The following FLVCR1 variants were observed in gnomAD, a reference collection of about 807,000 sequenced individuals.
FLVCR1 encodes the protein choline/ethanolamine transporter FLVCR1.
A neutral mutation model predicts 53.6 loss-of-function variants in FLVCR1; 34 were observed. The ratio of observed to expected loss-of-function variants is 0.63; its 90% CI spans 0.48 to 0.84. FLVCR1 has a LOEUF of 0.84. Among genes scored for constraint, FLVCR1 ranks in the 40% least tolerant of loss-of-function variants. The pLI is 0.00. For missense variants in FLVCR1, 677 were observed against 696.7 expected, an observed-to-expected ratio of 0.97 and a Z score of 0.32; for synonymous variants, 300 against 286.3, an observed-to-expected ratio of 1.05 and a Z score of -0.48.
At chr1:212,866,308 A>T (rs1254611780) in intron 2 of FLVCR1, among the ~76,000 whole-genome samples, 3 of 150,620 alleles carry the variant, frequency 2.0e-5, no homozygotes, top group Admixed American at 6.6e-5. Context: ...TTTAGTAGAG[A>T]TGGGGTTTCA....
At chr1:212,875,287 A>G (rs1388429179) in intron 3 of FLVCR1, among the ~76,000 whole-genome samples, 1 of 152,244 alleles carries the variant, frequency 6.6e-6, no homozygotes, top group Non-Finnish European at 1.5e-5. Context: ...AAGGATAACA[A>G]CACAAGATGA....
At chr1:212,859,683 A>C (rs1208590947) in intron 1 of FLVCR1, among the ~76,000 whole-genome samples, 1 of 152,030 alleles carries the variant, frequency 6.6e-6, no homozygotes, top group Non-Finnish European at 1.5e-5. Context: ...GCACCTTTGC[A>C]CTCCAGCTTG....
intron 2 of FLVCR1, among the ~76,000 whole-genome samples, chr1:212,870,798 A>G (rs1269592174): frequency 6.6e-6 from 1 of 151,824 alleles, no homozygotes; most frequent in Non-Finnish European, 1.5e-5. Flanking sequence ...AGATAGTCTC[A>G]CTCCGTTGCC....
chr1:212,889,633 G>A (rs2047289), intron 8 of FLVCR1, among the ~76,000 whole-genome samples: 1 of 151,806 alleles, frequency 6.6e-6, no homozygotes, highest in Non-Finnish European at 1.5e-5. Context: ...TGGCGCACAC[G>A]TGTAGCCCCA....
At chr1:212,890,368 G>A (rs182991910) in intron 8 of FLVCR1, among the ~76,000 whole-genome samples, 12 of 152,016 alleles carry the variant, frequency 7.9e-5, no homozygotes, top group South Asian at 2.1e-4. Flanking sequence ...TCCCAGGGGC[G>A]TCCAATCTTT....
chr1:212,888,116 T>C (rs1490535857), intron 6 of FLVCR1, 115 bp downstream of exon 6: 1 of 697,124 alleles, frequency 1.4e-6, no homozygotes, highest in East Asian at 2.7e-5. Context: ...TATTTTAAAC[T>C]TTAAAGGATT....
intron 1 of FLVCR1, 60 bp from the exon 2 acceptor site, chr1:212,863,665 G>A: frequency 1.4e-6 from 2 of 1,450,524 alleles, no homozygotes; most frequent in Admixed American, 1.7e-5. Context: ...TCTGTTAATT[G>A]CCAGCATTTA....
chr1:212,885,620 G>A (rs1436060168), intron 5 of FLVCR1: 22 of 408,536 alleles, frequency 5.4e-5, no homozygotes, highest in Non-Finnish European at 2.6e-5. Flanking sequence ...GCGCAATCTC[G>A]GCTCACTGCA....
At chr1:212,864,616 A>G (rs1664353574) in intron 2 of FLVCR1, 2 of 152,292 alleles carry the variant, frequency 1.3e-5, no homozygotes, top group Admixed American at 1.3e-4. Flanking sequence ...TAGCATAACT[A>G]TAATATTGCC....
intron 5 of FLVCR1, among the ~76,000 whole-genome samples, chr1:212,886,042 CTTTTT>C (rs5780703): frequency 8.3e-6 from 1 of 121,166 alleles, no homozygotes; most frequent in Middle Eastern, 4.1e-3. Flanking sequence ...TTATCTTGTT[CTTTTT>C]TTTTTTTTTT....
In FLVCR1 at chr1:212,895,630, A is replaced by G; in HGVS notation, c.*340A>G. On this transcript the variant is annotated 3_prime_UTR_variant, in exon 10 of 10. Transcript: ENST00000366971. Reference sequence around the variant, plus strand: ...TTTGTAGAAAATGGAAGCTTAGAATACTTTTTAAAGTGATAATATGGGGTG... The same window carrying G: ...TTTGTAGAAAATGGAAGCTTAGAATGCTTTTTAAAGTGATAATATGGGGTG... The G allele has an allele frequency of 3.0e-6, 1 of 338,858 alleles. No homozygotes were observed. The highest frequency in any genetic ancestry group is 2.6e-5 in the South Asian group (1 of 37,848). 21.0% of individuals were successfully genotyped at this position (338,858 alleles called of 1,614,324 possible). A position where few individuals can be genotyped will look rare whatever the true frequency, so the allele number is the denominator to read the frequency against.
intron 1 of FLVCR1, 26 bp downstream of exon 1, chr1:212,859,216 G>T: frequency 6.2e-7 from 1 of 1,613,934 alleles, no homozygotes; most frequent in Non-Finnish European, 8.5e-7. Context: ...GTAGGTGAAA[G>T]TCAGATCCTT....
At chr1:212,865,806 G>T (rs192658080) in intron 2 of FLVCR1, among the ~76,000 whole-genome samples, 185 of 147,260 alleles carry the variant, frequency 1.3e-3, no homozygotes, top group Middle Eastern at 3.7e-3. Flanking sequence ...TTAAAGTATA[G>T]AATTCTCTCT....
intron 2 of FLVCR1, among the ~76,000 whole-genome samples, chr1:212,865,785 A>C (rs541422993): frequency 2.4e-4 from 35 of 148,222 alleles, no homozygotes; most frequent in Non-Finnish European, 4.5e-4. Flanking sequence ...CCCGGCCAGC[A>C]ATAGGGATTT....
chr1:212,872,527 C>A (rs781721903), intron 2 of FLVCR1, 151 bp from the exon 3 acceptor site: 91 of 571,542 alleles, frequency 1.6e-4, no homozygotes, highest in Non-Finnish European at 2.6e-4. Context: ...AAAATGAAAA[C>A]CCTTACCATA....
At chr1:212,877,479 C>T (rs1664787462) in intron 3 of FLVCR1, among the ~76,000 whole-genome samples, 1 of 152,226 alleles carries the variant, frequency 6.6e-6, no homozygotes, top group African/African-American at 2.4e-5. Context: ...TCCCAAAGTG[C>T]TGGGATTACA....
intron 1 of FLVCR1, 120 bp from the exon 2 acceptor site, chr1:212,863,605 T>G: frequency 1.2e-6 from 1 of 802,972 alleles, no homozygotes; most frequent in South Asian, 1.5e-5. Context: ...AAGAACATAA[T>G]AGTTTAATTT....
At chr1:212,890,522 G>A (rs1418363273) in intron 8 of FLVCR1, among the ~76,000 whole-genome samples, 1 of 152,068 alleles carries the variant, frequency 6.6e-6, no homozygotes, top group African/African-American at 2.4e-5. Flanking sequence ...TTTGTGTTAG[G>A]CCACATTCAA....
At position 212,859,153 on chromosome 1, in the gene FLVCR1, T is replaced by G. The variant is rs1380808880; in HGVS notation, c.701T>G (p.Val234Gly). The change falls in exon 1 of 10, where the codon GTG becomes GGG. Residue 234 changes from valine (V) to glycine (G), a missense_variant. Transcript: ENST00000366971. Reference sequence around the variant, plus strand: ...TCAGTGTGGTTTGGGCCCAAAGAGGTGTCCACAGCTTGTGCCACCGCCGTG... The same window carrying G: ...TCAGTGTGGTTTGGGCCCAAAGAGGGGTCCACAGCTTGTGCCACCGCCGTG... ...IASVWFGPKEVSTACATAVLG... is the reference protein window; with the variant it reads ...IASVWFGPKEGSTACATAVLG... 1 of 1,613,870 alleles carries G rather than the reference T, an allele frequency of 6.2e-7. No homozygotes were observed. Among genetic ancestry groups the G allele is most frequent in the Non-Finnish European group, 8.5e-7 (1 of 1,180,000 alleles).
Sources: allele counts gnomAD v4.1 joint callset (sites outside exome capture counted in the v4.1 genomes callset), GRCh38; gene constraint gnomAD v4.1.1; transcripts MANE v1.5; gene names NCBI Gene and HGNC (gene_info 2026-07-23, HGNC 2026-07-21).